DCC: variants seen among roughly 807,000 people sequenced by gnomAD.
The protein encoded by DCC is DCC netrin 1 receptor, also known as netrin receptor DCC.
DCC carries 58 observed loss-of-function variants against 172.5 expected under a neutral mutation model. The ratio of observed to expected loss-of-function variants is 0.34; its 90% CI spans 0.27 to 0.42. The LOEUF (loss-of-function observed/expected upper bound fraction) is 0.42. DCC is among the 10% of genes least tolerant of loss of function. The pLI is 1.00. For synonymous variants in DCC, 709 were observed against 644.5 expected (o/e 1.10, Z -1.52); for missense variants, 1,740 against 1,791.0 (o/e 0.97, Z 0.51).
At chr18:52,842,458 T>C (rs1431753) in intron 2 of DCC, among the ~76,000 whole-genome samples, 3,192 of 152,250 alleles carry the variant, frequency 0.021, 114 homozygotes, top group African/African-American at 0.07. Context: ...ACCTTCTTAC[T>C]TCTTTTTGTT....
chr18:52,353,316 G>A (rs558692848), intron 1 of DCC, among the ~76,000 whole-genome samples: 10 of 152,184 alleles, frequency 6.6e-5, no homozygotes, highest in East Asian at 1.9e-4. Context: ...TGGTCTGCTG[G>A]TTTTCATTCC....
chr18:53,384,620 A>T (rs573571160), intron 15 of DCC, among the ~76,000 whole-genome samples: 1 of 151,846 alleles, frequency 6.6e-6, no homozygotes, highest in African/African-American at 2.4e-5. Flanking sequence ...CTATTCCTTG[A>T]GTTATGCCAC....
chr18:52,377,033 T>G (rs1985378831), intron 1 of DCC, among the ~76,000 whole-genome samples: 2 of 152,192 alleles, frequency 1.3e-5, no homozygotes, highest in Non-Finnish European at 2.9e-5. Context: ...GAGGATAATC[T>G]CTTTCTTCAG....
At chr18:52,945,720 C>G (rs898868861) in intron 5 of DCC, among the ~76,000 whole-genome samples, 21 of 152,182 alleles carry the variant, frequency 1.4e-4, no homozygotes, top group African/African-American at 5.1e-4. Context: ...GACCTCTGTG[C>G]AGTGCACAAG....
chr18:53,075,071 A>G (rs1287356182), intron 7 of DCC, among the ~76,000 whole-genome samples: 1 of 149,474 alleles, frequency 6.7e-6, no homozygotes, highest in Non-Finnish European at 1.5e-5. Context: ...GGATAAAATG[A>G]TAGCTTTCTT....
At chr18:53,346,009 C>A (rs2057719423) in intron 15 of DCC, among the ~76,000 whole-genome samples, 1 of 151,148 alleles carries the variant, frequency 6.6e-6, no homozygotes, top group South Asian at 2.1e-4. Flanking sequence ...ATTATTTTTT[C>A]CTGAGATGAC....
chr18:52,615,959 A>G (rs2034373117), intron 1 of DCC, among the ~76,000 whole-genome samples: 1 of 152,182 alleles, frequency 6.6e-6, no homozygotes, highest in East Asian at 1.9e-4. Flanking sequence ...TAAAGGTGAG[A>G]TTTTATATAT....
chr18:53,145,707 A>C (rs2043902327), intron 7 of DCC, among the ~76,000 whole-genome samples: 2 of 152,200 alleles, frequency 1.3e-5, no homozygotes, highest in Admixed American at 1.3e-4. Flanking sequence ...TTGAGTTCCA[A>C]ATTCTGTCCC....
intron 12 of DCC, among the ~76,000 whole-genome samples, chr18:53,254,131 G>A (rs1313740330): frequency 6.6e-6 from 1 of 152,030 alleles, no homozygotes; most frequent in Non-Finnish European, 1.5e-5. Flanking sequence ...TAATGTGTGT[G>A]GGGACAACCA....
intron 1 of DCC, among the ~76,000 whole-genome samples, chr18:52,349,287 C>T (rs1568127051): frequency 6.6e-6 from 1 of 152,150 alleles, no homozygotes; most frequent in Non-Finnish European, 1.5e-5. Flanking sequence ...TTGCAGAGGC[C>T]TCTGTAGTGT....
At position 53,246,715 on chromosome 18, in the gene DCC, A is replaced by G. The variant is rs1457124374; in HGVS notation, c.1911+31118A>G. ...GTTTCCCAAAGCAGGATTTTTATAT[A>G]GGTCATGAATAATGACTATAAGTTG... On this transcript the variant is annotated intron_variant, in intron 12 of 28. Transcript: ENST00000442544. Among the ~76,000 whole-genome samples the G allele has an allele frequency of 3.3e-5, 5 of 152,132 alleles. No homozygotes were observed. In the East Asian group the frequency reaches 9.6e-4, roughly 29 times the overall value.
At chr18:52,618,310 A>T (rs955698155) in intron 1 of DCC, among the ~76,000 whole-genome samples, 1 of 152,210 alleles carries the variant, frequency 6.6e-6, no homozygotes, top group African/African-American at 2.4e-5. Context: ...TTTTAAAAAA[A>T]ACAAATCATG....
chr18:53,253,237 G>A (rs73957129), intron 12 of DCC, among the ~76,000 whole-genome samples: 7,376 of 151,854 alleles, frequency 0.049, 435 homozygotes, highest in African/African-American at 0.14. Flanking sequence ...TGAAGTTTCC[G>A]TCCACCCCCT....
intron 27 of DCC, among the ~76,000 whole-genome samples, chr18:53,507,892 CTTTTT>C (rs780896758): frequency 7.6e-6 from 1 of 130,992 alleles, no homozygotes; most frequent in Non-Finnish European, 1.6e-5. Context: ...ACAGATACCA[CTTTTT>C]TTTTTTTTTT....
At chr18:52,969,716 G>A (rs970226945) in intron 5 of DCC, among the ~76,000 whole-genome samples, 4 of 150,222 alleles carry the variant, frequency 2.7e-5, no homozygotes, top group African/African-American at 9.8e-5. Context: ...AATTGCTTAT[G>A]TTTTCATAAA....
intron 15 of DCC, among the ~76,000 whole-genome samples, chr18:53,372,353 A>G (rs1441789744): frequency 6.6e-6 from 1 of 152,120 alleles, no homozygotes; most frequent in East Asian, 1.9e-4. Context: ...AGCCACTAAC[A>G]GGAATAGAAA....
chr18:52,485,437 A>T (rs186543628), intron 1 of DCC, among the ~76,000 whole-genome samples: 1 of 152,268 alleles, frequency 6.6e-6, no homozygotes, highest in African/African-American at 2.4e-5. Flanking sequence ...TTGAATGCAG[A>T]ATGCACGGCA....
rs1302895972 is a variant in DCC, at chr18:53,486,925, G to A, written c.3865G>A (p.Val1289Met). ...LRPVPFPTLSVDRGFGAGRSQ... is the reference protein window; with the variant it reads ...LRPVPFPTLSMDRGFGAGRSQ... ...GCCTGTGCCATTCCCAACACTCTCAGTGGACCGAGGTTTCGGAGCAGGAAG... is the reference window on the plus strand; with the variant it reads ...GCCTGTGCCATTCCCAACACTCTCAATGGACCGAGGTTTCGGAGCAGGAAG... Residue 1289 changes from valine (V) to methionine (M), a missense_variant, in exon 26 of 29, where the codon GTG becomes ATG. Physicochemically the swap from Val to Met is conservative, Grantham distance 21 (BLOSUM62 1). This residue lies in a region of DCC where 1,732 missense variants were observed against 1,767.4 expected (regional missense o/e 0.98). Coordinates refer to ENST00000442544, the MANE Select transcript of DCC (RefSeq NM_005215.4). 2.5e-6 allele frequency: 4 copies of A among 1,614,088 alleles called. No homozygotes were observed. Among genetic ancestry groups the A allele is most frequent in the Non-Finnish European group, 8.5e-7 (1 of 1,180,048 alleles).
At chr18:52,956,791 T>G (rs2040752064) in intron 5 of DCC, among the ~76,000 whole-genome samples, 1 of 152,184 alleles carries the variant, frequency 6.6e-6, no homozygotes. Context: ...AACTACATTT[T>G]CATGCTTAAT....
Sources: gnomAD v4.1 joint callset for allele counts (sites outside exome capture counted in the v4.1 genomes callset) on GRCh38, gnomAD v4.1.1 for gene constraint, gnomAD v4.1.1 regional missense constraint, MANE v1.5 for transcripts, NCBI Gene and HGNC (gene_info 2026-07-23, HGNC 2026-07-21) for gene names.